Variants in ZNF695 observed in about 807,000 individuals in gnomAD.
ZNF695 encodes the protein zinc finger protein SBZF3.
A neutral mutation model predicts 11.2 loss-of-function variants in ZNF695; 11 were observed. The ratio of observed to expected loss-of-function variants is 0.98; its 90% CI spans 0.62 to 1.62. The LOEUF (loss-of-function observed/expected upper bound fraction) is 1.62, where lower values mean the gene tolerates loss of function less well. Ranked by LOEUF, ZNF695 falls within the 40% of genes most tolerant of loss-of-function variation. The pLI, the probability that ZNF695 is intolerant of heterozygous loss-of-function variation, is 0.00. For missense variants in ZNF695, 559 were observed against 590.5 expected (o/e 0.95, Z 0.55); for synonymous variants, 190 against 201.4 (o/e 0.94, Z 0.48).
chr1:246,996,350 C>T (rs912362141), intron 3 of ZNF695, among the ~76,000 whole-genome samples: 8 of 151,942 alleles, frequency 5.3e-5, no homozygotes, highest in Admixed American at 1.3e-4. Context: ...TGAGACTCCT[C>T]GCAACAAAAT....
chr1:246,972,937 A>G (rs61448983), intron 4 of ZNF695, among the ~76,000 whole-genome samples: 7 of 148,626 alleles, frequency 4.7e-5, no homozygotes, highest in Admixed American at 2.7e-4. Flanking sequence ...ATGTGTATAT[A>G]TATATATATA....
chr1:246,948,228 C>T (rs530087361), intron 5 of ZNF695, among the ~76,000 whole-genome samples: 85 of 152,200 alleles, frequency 5.6e-4, no homozygotes, highest in Non-Finnish European at 9.3e-4. Context: ...CACTCACCAC[C>T]ACGCCTGGCT....
intron 5 of ZNF695, among the ~76,000 whole-genome samples, chr1:246,959,334 T>A (rs868192147): frequency 0.013 from 1,051 of 78,904 alleles, 19 homozygotes; most frequent in Non-Finnish European, 0.019. Flanking sequence ...TATATATATA[T>A]ATATATATAT....
intron 1 of ZNF695, among the ~76,000 whole-genome samples, chr1:247,003,089 C>T (rs67880452): frequency 0.039 from 6,008 of 152,172 alleles, 153 homozygotes; most frequent in South Asian, 0.12. Context: ...GGCTGCCATT[C>T]GACCCAGCAA....
chr1:246,989,789 G>A (rs535332230), intron 3 of ZNF695, among the ~76,000 whole-genome samples: 4 of 152,238 alleles, frequency 2.6e-5, no homozygotes, highest in South Asian at 2.1e-4. Context: ...AGGCCGAGGC[G>A]AGCAGATCGT....
At position 246,987,754 on chromosome 1, in the gene ZNF695, C is replaced by A; in HGVS notation, c.761G>T (p.Ser254Ile). The change falls in exon 4 of 4, where the codon AGT (serine) becomes ATT (isoleucine). Residue 254 changes from serine (S) to isoleucine (I), a missense_variant. By Grantham distance (142) the Ser-to-Ile change is moderately radical. Coordinates refer to ENST00000339986, the MANE Select transcript of ZNF695 (RefSeq NM_020394.5). Reference sequence around the variant, plus strand: ...ATGATTTTTCTCAACAACAGCAAGACTTGAGCAAGACTTAAAAATGTTATT... The same window carrying A: ...ATGATTTTTCTCAACAACAGCAAGAATTGAGCAAGACTTAAAAATGTTATT... ...ECNNIFKSCS[S>I]LAVVEKNHTE... is the part of the protein sequence containing the mutation. 1 of 1,591,744 alleles carries A rather than the reference C, an allele frequency of 6.3e-7. No individual in the cohort carries two copies.
chr1:247,007,955 T>C lies in ZNF695; in HGVS notation c.-47A>G. Reference sequence around the variant, plus strand: ...AGCGTCCTCCCTATAAATCTCGCAATACCTGCAGGCCACAGGGCGATGGAG... The same window carrying C: ...AGCGTCCTCCCTATAAATCTCGCAACACCTGCAGGCCACAGGGCGATGGAG... On this transcript the variant is annotated 5_prime_UTR_variant, in exon 1 of 4. Coordinates refer to ENST00000339986, the MANE Select transcript of ZNF695 (RefSeq NM_020394.5). 1 of 1,483,490 alleles carries C rather than the reference T, an allele frequency of 6.7e-7. No individual in the cohort carries two copies. The highest frequency in any genetic ancestry group is 1.4e-5 in the South Asian group (1 of 72,138). The allele number at this position is 1,483,490 out of a possible 1,614,324, so 91.9% of individuals were successfully genotyped here.
rs370898679 is a variant in ZNF695, at chr1:246,987,093, G to A, written c.1422C>T (p.Gly474=). ...YKCEECGKAF[G]QSSHLSKHKT... is the part of the protein sequence containing the mutation. ...TATGTTTAGAAAGGTGTGAGCTCTG[G>A]CCAAAGGCTTTGCCACATTCTTCAC... Residue 474 remains glycine, a synonymous_variant, in exon 4 of 4, where the codon GGC becomes GGT. Transcript: ENST00000339986. 1.1e-5 allele frequency: 17 copies of A among 1,613,792 alleles called. No individual in the cohort carries two copies. The highest frequency in any genetic ancestry group is 1.4e-5 in the Non-Finnish European group (17 of 1,179,966).
chr1:247,006,844 T>G (rs558464218), intron 1 of ZNF695, among the ~76,000 whole-genome samples: 1 of 152,330 alleles, frequency 6.6e-6, no homozygotes, highest in South Asian at 2.1e-4. Context: ...AATACTTAAA[T>G]GGCAGACAAT....
chr1:247,007,879 T>G, intron 1 of ZNF695, 27 bp downstream of exon 1: 7 of 1,542,000 alleles, frequency 4.5e-6, no homozygotes, highest in Non-Finnish European at 6.1e-6. Flanking sequence ...CTCTCCCTTC[T>G]CGGGACACCC....
Position 246,970,916 on chromosome 1 carries a change from G to A in ZNF695, c.391-3124C>T, listed in dbSNP as rs566797774. ...CGAGTAGCTGGGATTACAGGCATGC[G>A]CTGTAGGGTCCAGCCCTATTGGGTC... On this transcript the variant is annotated intron_variant, in intron 4 of 5. Coordinates refer to the ZNF695 transcript ENST00000487338. 1.3e-4 allele frequency among the ~76,000 whole-genome samples: 20 copies of A among 152,324 alleles called. No individual in the cohort carries two copies. In the East Asian group the frequency reaches 1.7e-3, roughly 13 times the overall value.
intron 4 of ZNF695, among the ~76,000 whole-genome samples, chr1:246,976,088 G>A (rs1021250330): frequency 2.0e-5 from 3 of 152,188 alleles, no homozygotes; most frequent in African/African-American, 7.2e-5. Context: ...ACTGGCTGGT[G>A]AGGGAGACGC....
chr1:246,984,239 G>C (rs563290417), downstream of ZNF695, among the ~76,000 whole-genome samples: 39 of 141,360 alleles, frequency 2.8e-4, no homozygotes, highest in African/African-American at 1.0e-3. Context: ...ATGACATATT[G>C]TGTGGAGAAC....
chr1:246,969,028 A>G (rs913864517), intron 4 of ZNF695: 2 of 152,238 alleles, frequency 1.3e-5, no homozygotes, highest in African/African-American at 4.8e-5. Context: ...GGCTGTTAAC[A>G]TACGGCTCCT....
Position 246,986,585 on chromosome 1 carries a change from A to T in ZNF695, c.*382T>A, listed in dbSNP as rs1251223397. The T allele has an allele frequency of 1.0e-5, 10 of 1,002,392 alleles. No homozygotes were observed. Among genetic ancestry groups the T allele is most frequent in the Admixed American group, 5.7e-5 (1 of 17,584 alleles). 62.1% of individuals were successfully genotyped at this position (1,002,392 alleles called of 1,614,324 possible). On this transcript the variant is annotated 3_prime_UTR_variant, in exon 4 of 4. Coordinates refer to ENST00000339986, the MANE Select transcript of ZNF695 (RefSeq NM_020394.5). ...TTCACATTTACTGCATCTGTAAAAC[A>T]GTTTTTAGTGTGAACACTCTGGTGT...
At chr1:247,001,953 AG>A (rs1272289194) in intron 1 of ZNF695, among the ~76,000 whole-genome samples, 1 of 152,118 alleles carries the variant, frequency 6.6e-6, no homozygotes, top group Non-Finnish European at 1.5e-5. Flanking sequence ...AAACTAACAA[AG>A]ATAGGGACCT....
chr1:246,980,723 T>C (rs1455698042), downstream of ZNF695, among the ~76,000 whole-genome samples: 2 of 152,154 alleles, frequency 1.3e-5, no homozygotes, highest in African/African-American at 4.8e-5. Flanking sequence ...CGGCCGAGTT[T>C]ACCCATTTTT....
In ZNF695 at chr1:246,987,002, C is replaced by A. The variant is rs746094978; in HGVS notation, c.1513G>T (p.Ala505Ser). The change falls in exon 4 of 4, where the codon GCA becomes TCA. Residue 505 changes from alanine (A) to serine (S), a missense_variant. Transcript: ENST00000339986. ...GTTTTCTCATGTACAGCAAGTTGTGCAGAGTGGTTAAAGGCTTTGCCACAT... is the reference window on the plus strand; with the variant it reads ...GTTTTCTCATGTACAGCAAGTTGTGAAGAGTGGTTAAAGGCTTTGCCACAT... ...EECGKAFNHSAQLAVHEKTHT is the reference protein window; with the variant it reads ...EECGKAFNHSSQLAVHEKTHT 8.7e-6 allele frequency: 14 copies of A among 1,602,574 alleles called. No homozygotes were observed. The Admixed American group carries it at 1.6e-4, about 18-fold the overall frequency.
rs893896458 is a variant in ZNF695 at position 246,986,013 on chromosome 1, T to C, written c.*954A>G. ...ATTTAAGACTTGAATTACATAAATA[T>C]GTGATTTTCAAAAAAGCTAAAACTC... On this transcript the variant is annotated 3_prime_UTR_variant, in exon 4 of 4. Coordinates refer to ENST00000339986, the MANE Select transcript of ZNF695 (RefSeq NM_020394.5). 17 of 985,028 alleles carry C rather than the reference T, an allele frequency of 1.7e-5. No individual in the cohort carries two copies. In the African/African-American group the frequency reaches 2.6e-4, roughly 15 times the overall value. The allele number at this position is 985,028 out of a possible 1,614,324, so 61.0% of individuals were successfully genotyped here. A position where few individuals can be genotyped will look rare whatever the true frequency, so the allele number is the denominator to read the frequency against.
Sources: allele counts gnomAD v4.1 joint callset (sites outside exome capture counted in the v4.1 genomes callset), GRCh38; gene constraint gnomAD v4.1.1; transcripts MANE v1.5; gene names NCBI Gene and HGNC (gene_info 2026-07-23, HGNC 2026-07-21).